Variants in FNDC3B observed in about 807,000 individuals in gnomAD.
The protein encoded by FNDC3B is fibronectin type III domain-containing protein 3B.
In FNDC3B, 12 loss-of-function variants were observed where a neutral mutation model predicts 151.5. That is an observed-to-expected ratio of 0.08 (90% CI 0.05 to 0.13). FNDC3B has a LOEUF of 0.13. Among genes scored for constraint, FNDC3B ranks in the 10% least tolerant of loss-of-function variants. FNDC3B has a pLI of 1.00. For missense variants in FNDC3B, 1,214 were observed against 1,505.3 expected, an observed-to-expected ratio of 0.81 and a Z score of 3.20; for synonymous variants, 528 against 549.0, an observed-to-expected ratio of 0.96 and a Z score of 0.54.
At chr3:172,200,099 G>A (rs574676651) in intron 3 of FNDC3B, among the ~76,000 whole-genome samples, 1 of 152,176 alleles carries the variant, frequency 6.6e-6, no homozygotes, top group Non-Finnish European at 1.5e-5. Flanking sequence ...ACAAGGAACA[G>A]ATGGAACCCA....
intron 3 of FNDC3B, among the ~76,000 whole-genome samples, chr3:172,176,561 G>A (rs1723604347): frequency 6.6e-6 from 1 of 152,138 alleles, no homozygotes; most frequent in Admixed American, 6.5e-5. Flanking sequence ...AGGAAGGGGT[G>A]GGCAATTACA....
At chr3:172,309,329 A>G (rs972115469) in intron 10 of FNDC3B, among the ~76,000 whole-genome samples, 2 of 152,202 alleles carry the variant, frequency 1.3e-5, no homozygotes, top group East Asian at 1.9e-4. Context: ...AACAGTTATT[A>G]CTTACACAGG....
Position 172,332,983 on chromosome 3 carries a change from G to A in FNDC3B, c.1555-106G>A. 3.8e-6 allele frequency: 3 copies of A among 789,324 alleles called. No individual in the cohort carries two copies. The South Asian group carries it at 4.1e-5, about 11-fold the overall frequency. 48.9% of individuals were successfully genotyped at this position (789,324 alleles called of 1,614,324 possible). A position where few individuals can be genotyped will look rare whatever the true frequency, so the allele number is the denominator to read the frequency against. The stretch of plus-strand genomic sequence containing the variant: ...GCGGTAGCTGCCAGACCTCTGGCCA[G>A]TTGCTGGTGATGGTAGGGAAAGGCA... On this transcript the variant is annotated intron_variant, in intron 13 of 25. Transcript: ENST00000415807.
chr3:172,122,029 A>C (rs1352626443), intron 2 of FNDC3B, among the ~76,000 whole-genome samples: 1 of 152,248 alleles, frequency 6.6e-6, no homozygotes, highest in South Asian at 2.1e-4. Flanking sequence ...TAGTCTATAA[A>C]CACAGGAAGA....
intron 1 of FNDC3B, among the ~76,000 whole-genome samples, chr3:172,069,498 G>C (rs1717663001): frequency 6.6e-6 from 1 of 152,126 alleles, no homozygotes; most frequent in African/African-American, 2.4e-5. Flanking sequence ...TTAAGTTCTG[G>C]GATACATGTA....
chr3:172,051,406 T>C (rs1458118770), intron 1 of FNDC3B, among the ~76,000 whole-genome samples: 2 of 152,196 alleles, frequency 1.3e-5, no homozygotes, highest in Non-Finnish European at 2.9e-5. Flanking sequence ...GTAGGGATGA[T>C]TTCTGATTTA....
chr3:172,052,441 C>T (rs1044191249), intron 1 of FNDC3B, among the ~76,000 whole-genome samples: 1 of 152,154 alleles, frequency 6.6e-6, no homozygotes, highest in African/African-American at 2.4e-5. Flanking sequence ...CCTCTCCTCC[C>T]CCAAATGTGC....
chr3:172,174,930 G>GCC (rs1163688070), intron 3 of FNDC3B, among the ~76,000 whole-genome samples: 170 of 14,734 alleles, frequency 0.012, 2 homozygotes, highest in African/African-American at 0.022. Context: ...CCTTCCCCCC[G>GCC]CCACCCCCCC....
In FNDC3B at chr3:172,321,552, T is replaced by C. The variant is rs181838716; in HGVS notation, c.1255-7400T>C. 2.7e-3 allele frequency: 491 copies of C among 179,642 alleles called. 8 individuals are homozygous for C. In the Admixed American group the frequency reaches 0.028, roughly 10 times the overall value. 11.1% of individuals were successfully genotyped at this position (179,642 alleles called of 1,614,324 possible). The stretch of plus-strand genomic sequence containing the variant: ...GCTTTTGTTTTTGTTTTGTTTTGTT[T>C]TGTTTTGAGACAGGGTCTTGCTCTG... On this transcript the variant is annotated intron_variant, in intron 11 of 25. Coordinates refer to ENST00000415807, the MANE Select transcript of FNDC3B (RefSeq NM_022763.4).
Position 172,330,833 on chromosome 3 carries a change from G to A in FNDC3B, c.1554+118G>A, listed in dbSNP as rs183672625. ...GTTCAAAGCCAAACTCTTAATTTCT[G>A]CCTCTGTCACCACCACTACCAACAC... On this transcript the variant is annotated intron_variant, in intron 13 of 25. Transcript: ENST00000415807. 290 of 737,798 alleles carry A rather than the reference G, an allele frequency of 3.9e-4. 1 individual carries two copies. In the African/African-American group the frequency reaches 4.6e-3, roughly 12 times the overall value. The allele number at this position is 737,798 out of a possible 1,614,324, so 45.7% of individuals were successfully genotyped here. A position where few individuals can be genotyped will look rare whatever the true frequency, so the allele number is the denominator to read the frequency against.
At chr3:172,109,954 G>A (rs1363570848) in intron 1 of FNDC3B, among the ~76,000 whole-genome samples, 1 of 152,216 alleles carries the variant, frequency 6.6e-6, no homozygotes, top group Non-Finnish European at 1.5e-5. Context: ...TCCTACTTCT[G>A]TAAGGCCTTT....
chr3:172,108,708 A>G (rs1384085378), intron 1 of FNDC3B, among the ~76,000 whole-genome samples: 5 of 152,184 alleles, frequency 3.3e-5, no homozygotes, highest in Non-Finnish European at 1.5e-5. Flanking sequence ...CCACTTCACA[A>G]CCTGAATCTG....
intron 16 of FNDC3B, among the ~76,000 whole-genome samples, chr3:172,338,720 G>GGTTTC (rs1733119807): frequency 6.6e-6 from 1 of 152,020 alleles, no homozygotes; most frequent in African/African-American, 2.4e-5. Context: ...TAACTATTAA[G>GGTTTC]GTTTTGTTTT....
At chr3:172,085,703 A>G (rs1181712439) in intron 1 of FNDC3B, among the ~76,000 whole-genome samples, 1 of 152,164 alleles carries the variant, frequency 6.6e-6, no homozygotes. Context: ...TTTTATGATT[A>G]TGGTTATGAT....
chr3:172,167,167 G>A (rs993356262), intron 3 of FNDC3B, among the ~76,000 whole-genome samples: 16 of 152,250 alleles, frequency 1.1e-4, no homozygotes, highest in East Asian at 3.9e-4. Flanking sequence ...AGGCTGAGGC[G>A]GGCGGATCAC....
intron 11 of FNDC3B, among the ~76,000 whole-genome samples, chr3:172,326,040 G>T (rs1732325432): frequency 6.6e-6 from 1 of 152,158 alleles, no homozygotes. Context: ...TGGCCAGGCT[G>T]GTTTCGAACT....
At chr3:172,268,897 A>C (rs891146506) in intron 6 of FNDC3B, among the ~76,000 whole-genome samples, 1 of 152,256 alleles carries the variant, frequency 6.6e-6, no homozygotes, top group Non-Finnish European at 1.5e-5. Flanking sequence ...TTTGGAATCA[A>C]TTTAAATGAG....
intron 25 of FNDC3B, among the ~76,000 whole-genome samples, chr3:172,390,537 TCA>T (rs1560112894): frequency 6.6e-6 from 1 of 151,600 alleles, no homozygotes; most frequent in African/African-American, 2.4e-5. Flanking sequence ...ACGTTTGGGC[TCA>T]CTTTTTTTTT....
chr3:172,355,387 C>G (rs1219123402), intron 22 of FNDC3B, among the ~76,000 whole-genome samples: 1 of 152,094 alleles, frequency 6.6e-6, no homozygotes, highest in Non-Finnish European at 1.5e-5. Flanking sequence ...AACTGCTGAC[C>G]TTAGAACTTC....
Sources: gnomAD v4.1 joint callset for allele counts (sites outside exome capture counted in the v4.1 genomes callset) on GRCh38, gnomAD v4.1.1 for gene constraint, MANE v1.5 for transcripts, NCBI Gene and HGNC (gene_info 2026-07-23, HGNC 2026-07-21) for gene names.